The following MEF2C variants were observed in gnomAD, a reference collection of about 807,000 sequenced individuals.
MEF2C encodes the protein myocyte enhancer factor 2C, also known as myocyte-specific enhancer factor 2C.
MEF2C carries 6 observed loss-of-function variants against 50.5 expected under a neutral mutation model. The ratio of observed to expected loss-of-function variants is 0.12; its 90% confidence interval spans 0.07 to 0.23. MEF2C has a LOEUF of 0.23. Among genes scored for constraint, MEF2C ranks in the 10% least tolerant of loss-of-function variants. The probability of loss-of-function intolerance (pLI) is 1.00; values close to 1 mark genes in which losing one functional copy is unlikely to be tolerated. For missense variants in MEF2C, 276 were observed against 605.0 expected, an observed-to-expected ratio of 0.46 and a Z score of 5.70; for synonymous variants, 183 against 228.0, an observed-to-expected ratio of 0.80 and a Z score of 1.78.
In MEF2C at chr5:88,803,454, A is replaced by AT. The variant is rs979694222; in HGVS notation, c.258+1143dup. On this transcript the variant is annotated intron_variant, in intron 3 of 10. Transcript: ENST00000504921. ...TTCATTTGATCAGGATTAGCACTAC[A>AT]TTTTTTTACAATGTGGAACCAGTCT... Among the ~76,000 whole-genome samples the AT allele has an allele frequency of 1.3e-3, 197 of 152,304 alleles. 2 individuals carry two copies. The highest frequency in any genetic ancestry group is 4.4e-3 in the African/African-American group (181 of 41,570).
chr5:88,774,841 G>A (rs1285063800), intron 3 of MEF2C, among the ~76,000 whole-genome samples: 3 of 152,190 alleles, frequency 2.0e-5, no homozygotes, highest in South Asian at 2.1e-4. Context: ...GTTTCTCAAG[G>A]CTTCTGCTGC....
intron 1 of MEF2C, among the ~76,000 whole-genome samples, chr5:88,833,207 CA>C (rs527590971): frequency 6.6e-6 from 1 of 152,126 alleles, no homozygotes; most frequent in South Asian, 2.1e-4. Flanking sequence ...ATATTTGTTA[CA>C]AAATGCTGAT....
chr5:88,830,314 T>C (rs949634914), intron 1 of MEF2C, among the ~76,000 whole-genome samples: 2 of 152,016 alleles, frequency 1.3e-5, no homozygotes, highest in African/African-American at 4.8e-5. Flanking sequence ...AGAGATGAAA[T>C]GTATGTCAGA....
In MEF2C at chr5:88,756,622, T is replaced by G. The variant is rs1775445064; in HGVS notation, c.402+4563A>C. Among the ~76,000 whole-genome samples, 5 of 152,208 alleles carry G rather than the reference T, an allele frequency of 3.3e-5. No individual in the cohort carries two copies. The South Asian group carries it at 1.0e-3, about 31-fold the overall frequency. ...ATCTCCCTTGACCTTGATTTTCTTA[T>G]CTAAGGCATGAAATGGTTGTATCTA... On this transcript the variant is annotated intron_variant, in intron 4 of 10. Coordinates refer to ENST00000504921, the MANE Select transcript of MEF2C (RefSeq NM_002397.5).
intron 3 of MEF2C, chr5:88,761,637 A>G (rs1026183427): frequency 8.0e-6 from 2 of 250,014 alleles, no homozygotes; most frequent in African/African-American, 4.5e-5. Context: ...TTACAGCAGA[A>G]TACAATTAAG....
At chr5:88,814,461 G>T (rs1174656432) in intron 2 of MEF2C, among the ~76,000 whole-genome samples, 1 of 151,958 alleles carries the variant, frequency 6.6e-6, no homozygotes, top group Non-Finnish European at 1.5e-5. Flanking sequence ...AACTTGCGAG[G>T]ATGAGACAGC....
At chr5:88,744,387 T>G (rs911525986) in intron 6 of MEF2C, among the ~76,000 whole-genome samples, 1 of 152,128 alleles carries the variant, frequency 6.6e-6, no homozygotes, top group African/African-American at 2.4e-5. Flanking sequence ...ACCCCATCTC[T>G]ACTAAAATAC....
intron 1 of MEF2C, among the ~76,000 whole-genome samples, chr5:88,876,530 G>A (rs938592077): frequency 6.6e-6 from 1 of 151,944 alleles, no homozygotes; most frequent in African/African-American, 2.4e-5. Context: ...AAGACAAAAA[G>A]TATAAATCGC....
rs187307618 is a variant in MEF2C, at chr5:88,798,176, A to G, written c.258+6422T>C. 1.3e-4 allele frequency among the ~76,000 whole-genome samples: 20 copies of G among 152,150 alleles called. No individual in the cohort carries two copies. The East Asian group carries it at 3.9e-3, about 29-fold the overall frequency. ...TGTTCTCTGTATTTACTGAATTTGA[A>G]TGTTGGCCTGTCTTGCTAGGTTGGG... On this transcript the variant is annotated intron_variant, in intron 3 of 10. Coordinates refer to ENST00000504921, the MANE Select transcript of MEF2C (RefSeq NM_002397.5).
In MEF2C at chr5:88,746,706, T is replaced by C. The variant is rs1769855236; in HGVS notation, c.637+2364A>G. ...TGATTCTCTGACATCAGCACGGATA[T>C]ATTCAGCCTGACATATGATACTGGT... On this transcript the variant is annotated intron_variant, in intron 6 of 10. Coordinates refer to ENST00000504921, the MANE Select transcript of MEF2C (RefSeq NM_002397.5). 8.1e-6 allele frequency: 8 copies of C among 985,232 alleles called. No homozygotes were observed. In the South Asian group the frequency reaches 3.3e-4, roughly 40 times the overall value. 61.0% of individuals were successfully genotyped at this position (985,232 alleles called of 1,614,324 possible). A position where few individuals can be genotyped will look rare whatever the true frequency, so the allele number is the denominator to read the frequency against.
At chr5:88,799,923 G>A (rs1376747443) in intron 3 of MEF2C, among the ~76,000 whole-genome samples, 1 of 132,298 alleles carries the variant, frequency 7.6e-6, no homozygotes, top group East Asian at 2.3e-4. Context: ...CAGAGAGAGA[G>A]ACACACATGT....
At chr5:88,798,714 A>AGAGGCAT (rs1797043488) in intron 3 of MEF2C, among the ~76,000 whole-genome samples, 1 of 152,130 alleles carries the variant, frequency 6.6e-6, no homozygotes, top group Non-Finnish European at 1.5e-5. Flanking sequence ...TTGGAGGAGA[A>AGAGGCAT]GAGGCATTCT....
intron 3 of MEF2C, among the ~76,000 whole-genome samples, chr5:88,774,599 T>C (rs6872000): frequency 0.55 from 83,679 of 151,972 alleles, 25,996 homozygotes; most frequent in Non-Finnish European, 0.71. Flanking sequence ...GTTTCTACCT[T>C]TTATCTCTCC....
At chr5:88,879,087 A>G (rs1406520388) in intron 1 of MEF2C, among the ~76,000 whole-genome samples, 1 of 152,034 alleles carries the variant, frequency 6.6e-6, no homozygotes, top group Non-Finnish European at 1.5e-5. Flanking sequence ...AATTAAACAC[A>G]TAAATATTAA....
At chr5:88,876,381 T>G (rs187037894) in intron 1 of MEF2C, among the ~76,000 whole-genome samples, 54 of 152,128 alleles carry the variant, frequency 3.5e-4, no homozygotes, top group African/African-American at 1.2e-3. Context: ...AATGCTCCAG[T>G]GAATATTTCT....
chr5:88,882,023 C>G (rs1833046034), intron 1 of MEF2C, among the ~76,000 whole-genome samples: 2 of 152,150 alleles, frequency 1.3e-5, no homozygotes, highest in South Asian at 2.1e-4. Flanking sequence ...AGAATGATAA[C>G]TACTGGACTT....
In MEF2C at chr5:88,844,675, T is replaced by G. The variant is rs191663471; in HGVS notation, c.-142-20745A>C. 6.2e-5 allele frequency: 40 copies of G among 650,300 alleles called. No homozygotes were observed. In the East Asian group the frequency reaches 4.8e-3, roughly 78 times the overall value. 40.3% of individuals were successfully genotyped at this position (650,300 alleles called of 1,614,324 possible). ...ATTCAAATTATATTTCTTAATGCACTTCTATTTAAAGTCATTCCAAAAACA... is the reference window on the plus strand; with the variant it reads ...ATTCAAATTATATTTCTTAATGCACGTCTATTTAAAGTCATTCCAAAAACA... On this transcript the variant is annotated intron_variant, in intron 1 of 10. Coordinates refer to ENST00000504921, the MANE Select transcript of MEF2C (RefSeq NM_002397.5).
chr5:88,788,794 G>T lies in MEF2C; in HGVS notation c.258+15804C>A, dbSNP rs766671806. On this transcript the variant is annotated intron_variant, in intron 3 of 10. Transcript: ENST00000504921. ...TATATTATCCAAAGAAAATTTACAT[G>T]ACACAAATGAGTTTATAATTGTCAT... 3.0e-4 allele frequency among the ~76,000 whole-genome samples: 46 copies of T among 152,254 alleles called. 1 individual carries two copies. Among genetic ancestry groups the T allele is most frequent in the Admixed American group, 2.1e-3 (32 of 15,282 alleles).
chr5:88,720,190 G>A lies in MEF2C; in HGVS notation c.*2414C>T, dbSNP rs1755819895. 6.6e-6 allele frequency: 1 copy of A among 152,002 alleles called. No individual in the cohort carries two copies. Among genetic ancestry groups the A allele is most frequent in the Non-Finnish European group, 1.5e-5 (1 of 67,940 alleles). The allele number at this position is 152,002 out of a possible 1,614,324, so 9.4% of individuals were successfully genotyped here. A position where few individuals can be genotyped will look rare whatever the true frequency, so the allele number is the denominator to read the frequency against. On this transcript the variant is annotated 3_prime_UTR_variant, in exon 11 of 11. Coordinates refer to ENST00000504921, the MANE Select transcript of MEF2C (RefSeq NM_002397.5). Reference sequence around the variant, plus strand: ...GGATCAAGTCTATGGTGAGGAAAATGATTTTCTTATTTTATTCCCCTGTGC... The same window carrying A: ...GGATCAAGTCTATGGTGAGGAAAATAATTTTCTTATTTTATTCCCCTGTGC...
Sources: gnomAD v4.1 joint callset for allele counts (sites outside exome capture counted in the v4.1 genomes callset) on GRCh38, gnomAD v4.1.1 for gene constraint, MANE v1.5 for transcripts, NCBI Gene and HGNC (gene_info 2026-07-23, HGNC 2026-07-21) for gene names.